The following ZNF721 variants were observed in gnomAD, a reference collection of about 807,000 sequenced individuals.
The protein encoded by ZNF721 is zinc finger protein 721.
A neutral mutation model predicts 2.4 loss-of-function variants in ZNF721; 2 were observed. That is an observed-to-expected ratio of 0.82 (90% CI 0.34 to 2.58). ZNF721 has a LOEUF of 2.58. ZNF721 is among the 30% of genes most tolerant of loss of function. ZNF721 has a pLI of 0.11. For synonymous variants in ZNF721, 398 were observed against 381.8 expected (o/e 1.04, Z -0.50); for missense variants, 1,187 against 1,085.5 (o/e 1.09, Z -1.31).
chr4:459,114 G>A (rs1714937882), intron 2 of ZNF721, among the ~76,000 whole-genome samples: 2 of 152,186 alleles, frequency 1.3e-5, no homozygotes, highest in Admixed American at 6.5e-5. Flanking sequence ...CTGAGAGATT[G>A]TCACCACCAG....
intron 2 of ZNF721, among the ~76,000 whole-genome samples, chr4:446,976 G>A (rs945258947): frequency 4.6e-5 from 7 of 152,126 alleles, no homozygotes; most frequent in East Asian, 1.9e-4. Flanking sequence ...GTGAGTCACC[G>A]CGCCTGGCTG....
intron 1 of ZNF721, among the ~76,000 whole-genome samples, chr4:497,024 A>G (rs546329467): frequency 1.3e-5 from 2 of 152,066 alleles, no homozygotes; most frequent in Non-Finnish European, 2.9e-5. Context: ...TGACTTCTGA[A>G]CGCTCTAAGT....
Position 443,218 on chromosome 4 carries a change from AG to A in ZNF721, c.1248del (p.Tyr417ThrfsTer16), listed in dbSNP as rs1217699788. The A allele has an allele frequency of 6.2e-7, 1 of 1,613,804 alleles. No individual in the cohort carries two copies. ...AHKRIHTREKPYTCEDRGRAF... is the reference protein window; with the variant it reads ...AHKRIHTREKXYTCEDRGRAF... ...GCTCTGCCACGATCTTCACATGTGT[AG>A]GGTTTCTCTCTGGTGTGAATTCTCT... On this transcript the variant is annotated frameshift_variant, in exon 3 of 3. Transcript: ENST00000511833. LOFTEE classifies it low-confidence loss of function (END_TRUNC).
intron 1 of ZNF721, among the ~76,000 whole-genome samples, chr4:485,067 T>C (rs190053793): frequency 3.3e-5 from 5 of 152,264 alleles, no homozygotes; most frequent in African/African-American, 1.2e-4. Context: ...AAAGAACCTA[T>C]GTGAATATCA....
At chr4:449,540 G>C (rs1193464607) in intron 2 of ZNF721, among the ~76,000 whole-genome samples, 2 of 152,092 alleles carry the variant, frequency 1.3e-5, no homozygotes, top group Non-Finnish European at 2.9e-5. Context: ...AGAATCTTAA[G>C]ACCTCAAAAG....
chr4:441,901 T>C lies in ZNF721; in HGVS notation c.2566A>G (p.Arg856Gly). ...GGTTTCTCTCCAGTATGAATTCTCC[T>C]ATGTACATAAAGGATTGCTGACTGT... ...FRQSAILYVH[R>G]RIHTGEKPYT... The change falls in exon 3 of 3, where the codon AGG becomes GGG. Residue 856 changes from arginine (R) to glycine (G), a missense_variant. Arg to Gly is a moderately radical substitution (Grantham distance 125). Coordinates refer to ENST00000511833, the MANE Select transcript of ZNF721 (RefSeq NM_133474.4). 1 of 1,613,972 alleles carries C rather than the reference T, an allele frequency of 6.2e-7. No individual in the cohort carries two copies.
At chr4:466,941 G>A (rs1715270621) in intron 2 of ZNF721, among the ~76,000 whole-genome samples, 2 of 152,276 alleles carry the variant, frequency 1.3e-5, no homozygotes, top group Admixed American at 6.5e-5. Flanking sequence ...CGGCTTGGCC[G>A]GGCGCGGTGG....
chr4:476,494 A>AC (rs562079260), intron 1 of ZNF721, among the ~76,000 whole-genome samples: 136 of 152,088 alleles, frequency 8.9e-4, no homozygotes, highest in Non-Finnish European at 1.6e-3. Flanking sequence ...GGCTTACCTC[A>AC]CCCCTTAAGT....
intron 2 of ZNF721, among the ~76,000 whole-genome samples, chr4:451,550 TG>T (rs1303203660): frequency 6.6e-6 from 1 of 152,220 alleles, no homozygotes; most frequent in Non-Finnish European, 1.5e-5. Context: ...AGTCTGGTGG[TG>T]AATTCTCCAT....
intron 1 of ZNF721, among the ~76,000 whole-genome samples, chr4:479,592 C>T (rs1028519145): frequency 2.6e-5 from 4 of 152,210 alleles, no homozygotes; most frequent in Non-Finnish European, 4.4e-5. Context: ...GATGCAAGGG[C>T]CCTGATGAGA....
At chr4:492,729 G>A (rs1458389824) in intron 1 of ZNF721, among the ~76,000 whole-genome samples, 2 of 140,376 alleles carry the variant, frequency 1.4e-5, no homozygotes, top group African/African-American at 5.3e-5. Flanking sequence ...TTTATTCTAG[G>A]TCTAAATTTA....
At chr4:494,673 G>C (rs1716105123) in intron 1 of ZNF721, among the ~76,000 whole-genome samples, 1 of 152,126 alleles carries the variant, frequency 6.6e-6, no homozygotes, top group Admixed American at 6.5e-5. Flanking sequence ...GAGAGAAAAA[G>C]TCTGCTGGTG....
chr4:456,752 G>A (rs775815139), intron 2 of ZNF721, among the ~76,000 whole-genome samples: 19 of 152,130 alleles, frequency 1.2e-4, no homozygotes, highest in Non-Finnish European at 1.8e-4. Flanking sequence ...GGTAGCACAC[G>A]CCTGTAGTAC....
At chr4:465,150 T>C (rs935014614) in intron 2 of ZNF721, among the ~76,000 whole-genome samples, 5 of 147,954 alleles carry the variant, frequency 3.4e-5, no homozygotes, top group African/African-American at 1.0e-4. Flanking sequence ...TGGGAGGCCA[T>C]GGCAGGTGGA....
intron 1 of ZNF721, among the ~76,000 whole-genome samples, chr4:475,658 C>T (rs1402133595): frequency 6.6e-6 from 1 of 152,262 alleles, no homozygotes; most frequent in South Asian, 2.1e-4. Context: ...TATGCCTCAA[C>T]CTGTTAGCTA....
intron 1 of ZNF721, among the ~76,000 whole-genome samples, chr4:490,425 T>C (rs1715992020): frequency 6.6e-6 from 1 of 151,728 alleles, no homozygotes; most frequent in South Asian, 2.1e-4. Context: ...GCCAAGATTG[T>C]GCCACTGCAC....
intron 1 of ZNF721, among the ~76,000 whole-genome samples, chr4:479,297 G>C (rs767524752): frequency 6.6e-6 from 1 of 152,088 alleles, no homozygotes; most frequent in Non-Finnish European, 1.5e-5. Context: ...TTCCTTGCCC[G>C]GGAAGCAGCC....
chr4:474,962 G>A (rs897904588), intron 1 of ZNF721, among the ~76,000 whole-genome samples: 4 of 152,064 alleles, frequency 2.6e-5, no homozygotes, highest in Admixed American at 2.6e-4. Context: ...GCCGGGGCGG[G>A]TGGATCACGA....
intron 2 of ZNF721, among the ~76,000 whole-genome samples, chr4:451,129 T>C (rs192377486): frequency 6.6e-6 from 1 of 151,740 alleles, no homozygotes; most frequent in East Asian, 1.9e-4. Flanking sequence ...ATGTGACATA[T>C]ACATACAATA....
Sources: gnomAD v4.1 joint callset for allele counts (sites outside exome capture counted in the v4.1 genomes callset) on GRCh38, gnomAD v4.1.1 for gene constraint, MANE v1.5 for transcripts, NCBI Gene and HGNC (gene_info 2026-07-23, HGNC 2026-07-21) for gene names.